DZIP1L: variants seen among roughly 807,000 people sequenced by gnomAD.
DZIP1L encodes the protein cilium assembly protein DZIP1L.
A neutral mutation model predicts 88.7 loss-of-function variants in DZIP1L; 90 were observed. That is an observed-to-expected ratio of 1.02 (90% CI 0.86 to 1.21). The LOEUF (loss-of-function observed/expected upper bound fraction) is 1.21. Among genes scored for constraint, DZIP1L ranks in the 50% most tolerant of loss-of-function variants. DZIP1L has a pLI of 0.00. For missense variants in DZIP1L, 932 were observed against 955.8 expected (o/e 0.98, Z 0.33); for synonymous variants, 363 against 372.1 (o/e 0.98, Z 0.28).
rs1168251458 is a variant in DZIP1L at position 138,103,662 on chromosome 3, G to A, written c.310C>T (p.Leu104=). 3 of 1,609,322 alleles carry A rather than the reference G, an allele frequency of 1.9e-6. No individual in the cohort carries two copies. Among genetic ancestry groups the A allele is most frequent in the Non-Finnish European group, 2.5e-6 (3 of 1,179,606 alleles). Residue 104 remains leucine, a synonymous_variant, in exon 2 of 16, where the codon CTG becomes TTG. Coordinates refer to ENST00000327532, the MANE Select transcript of DZIP1L (RefSeq NM_173543.3). ...IEYLLHCQDC[L]SASVAQLEAR... Reference sequence around the variant, plus strand: ...TCCAGCTGGGCAACACTGGCACTCAGGCAATCCTGGCAGTGCAGCAGGTAC... The same window carrying A: ...TCCAGCTGGGCAACACTGGCACTCAAGCAATCCTGGCAGTGCAGCAGGTAC...
chr3:138,110,204 GA>G (rs1559868261), intron 1 of DZIP1L, among the ~76,000 whole-genome samples: 1 of 152,056 alleles, frequency 6.6e-6, no homozygotes, highest in Non-Finnish European at 1.5e-5. Context: ...CACAAGGACA[GA>G]AAATCAAACA....
chr3:138,066,521 C>T (rs923645347), intron 14 of DZIP1L, among the ~76,000 whole-genome samples: 1 of 152,130 alleles, frequency 6.6e-6, no homozygotes, highest in African/African-American at 2.4e-5. Flanking sequence ...GCCATGACAT[C>T]GTTCTGTGGT....
rs1435587319 is a variant in DZIP1L, at chr3:138,078,735, C to T, written c.1289-1103G>A. Among the ~76,000 whole-genome samples the T allele has an allele frequency of 2.0e-5, 3 of 152,154 alleles. No homozygotes were observed. The East Asian group carries it at 5.8e-4, about 29-fold the overall frequency. On this transcript the variant is annotated intron_variant, in intron 10 of 15. Coordinates refer to ENST00000327532, the MANE Select transcript of DZIP1L (RefSeq NM_173543.3). ...TACCACCCATTCACCTCTGACCCTG[C>T]GTGATTCTGCTCAATAAAGTTTACA...
At chr3:138,072,993 C>A (rs1035164654) in intron 11 of DZIP1L, among the ~76,000 whole-genome samples, 5 of 152,154 alleles carry the variant, frequency 3.3e-5, no homozygotes, top group African/African-American at 9.7e-5. Flanking sequence ...ACACCCTCAT[C>A]CCCAACAGTA....
At chr3:138,076,834 A>G (rs1335035094) in intron 11 of DZIP1L, among the ~76,000 whole-genome samples, 1 of 152,136 alleles carries the variant, frequency 6.6e-6, no homozygotes, top group African/African-American at 2.4e-5. Context: ...GTGTGCACCA[A>G]AATCTCAGAA....
intron 2 of DZIP1L, among the ~76,000 whole-genome samples, chr3:138,100,200 C>T (rs912901565): frequency 5.9e-5 from 9 of 152,196 alleles, no homozygotes; most frequent in African/African-American, 4.8e-5. Context: ...GACTACTAAG[C>T]AATGGCCAAT....
intron 7 of DZIP1L, among the ~76,000 whole-genome samples, chr3:138,086,276 A>G (rs1943933209): frequency 1.3e-5 from 2 of 152,166 alleles, no homozygotes; most frequent in South Asian, 4.1e-4. Context: ...TTAAAAAAAA[A>G]AAAAAGAAAA....
chr3:138,072,189 G>T (rs1327940609), intron 11 of DZIP1L, among the ~76,000 whole-genome samples: 1 of 152,166 alleles, frequency 6.6e-6, no homozygotes, highest in East Asian at 1.9e-4. Context: ...GCTCATTTTT[G>T]TACTCCCAAT....
chr3:138,069,490 C>T (rs995531769), intron 12 of DZIP1L, among the ~76,000 whole-genome samples: 1 of 152,120 alleles, frequency 6.6e-6, no homozygotes, highest in African/African-American at 2.4e-5. Flanking sequence ...CTATGCACTG[C>T]TCTCAGTGAA....
chr3:138,077,522 G>A lies in DZIP1L; in HGVS notation c.1399C>T (p.Leu467Phe), dbSNP rs1559832694. ...PILEDTLEEK[L>F]ESMGIRKDAK... ...ACCTTCCTTATCCCCATGCTTTCGA[G>A]CTTCTCTTCCAGGGTGTCCTCCAGG... The change falls in exon 11 of 16, where the codon CTC becomes TTC. Residue 467 changes from leucine (L) to phenylalanine (F), a missense_variant. Physicochemically the swap from Leu to Phe is conservative, Grantham distance 22. Transcript: ENST00000327532. The A allele has an allele frequency of 6.2e-7, 1 of 1,614,198 alleles. No homozygotes were observed. Among genetic ancestry groups the A allele is most frequent in the Non-Finnish European group, 8.5e-7 (1 of 1,180,040 alleles).
At chr3:138,075,923 C>T (rs111286102) in intron 11 of DZIP1L, among the ~76,000 whole-genome samples, 1,923 of 152,186 alleles carry the variant, frequency 0.013, 38 homozygotes, top group African/African-American at 0.044. Flanking sequence ...CGCACCACTG[C>T]ACTCCAGCAT....
At chr3:138,080,744 GA>G in intron 9 of DZIP1L, 124 bp from the exon 10 acceptor site, 1 of 893,952 alleles carries the variant, frequency 1.1e-6, no homozygotes, top group Non-Finnish European at 1.7e-6. Context: ...AGTGCATCTT[GA>G]CTGGAGAGAG....
At position 138,104,051 on chromosome 3, in the gene DZIP1L, G is replaced by C. The variant is rs975494509; in HGVS notation, c.-80C>G. 6.6e-7 allele frequency: 1 copy of C among 1,520,532 alleles called. No homozygotes were observed. The highest frequency in any genetic ancestry group is 1.4e-5 in the African/African-American group (1 of 72,052). 94.2% of individuals were successfully genotyped at this position (1,520,532 alleles called of 1,614,324 possible). A position where few individuals can be genotyped will look rare whatever the true frequency, so the allele number is the denominator to read the frequency against. On this transcript the variant is annotated splice_region_variant and 5_prime_UTR_variant, in exon 2 of 16. Coordinates refer to ENST00000327532, the MANE Select transcript of DZIP1L (RefSeq NM_173543.3). ...CAGTAGGCCAAGGAGCTGAGAGAAG[G>C]CCTGGAAAATAAGAAGAGAGTCCAA...
intron 13 of DZIP1L, 34 bp from the exon 14 acceptor site, chr3:138,067,734 T>G (rs773868194): frequency 3.9e-5 from 59 of 1,518,428 alleles, no homozygotes; most frequent in Non-Finnish European, 4.7e-5. Context: ...GAGGGATGCA[T>G]GGGCCAGAAA....
intron 2 of DZIP1L, among the ~76,000 whole-genome samples, chr3:138,099,921 C>A (rs1454584964): frequency 6.6e-6 from 1 of 152,166 alleles, no homozygotes; most frequent in Non-Finnish European, 1.5e-5. Flanking sequence ...TCCTTTATTG[C>A]AACACTAAAC....
In DZIP1L at chr3:138,094,925, C is replaced by T; in HGVS notation, c.645G>A (p.Lys215=). ...VEEVLEELRA[K]LKWTQGELEA... is the part of the protein sequence containing the mutation. ...CCAGCTCCCCTTGGGTCCACTTTAG[C>T]TTGGCCCGTAGCTCTTCTAACACCT... The change falls in exon 4 of 16, where the codon AAG becomes AAA. Residue 215 remains lysine, a synonymous_variant. Coordinates refer to ENST00000327532, the MANE Select transcript of DZIP1L (RefSeq NM_173543.3). The T allele has an allele frequency of 6.2e-7, 1 of 1,614,262 alleles. No homozygotes were observed. Among genetic ancestry groups the T allele is most frequent in the Non-Finnish European group, 8.5e-7 (1 of 1,180,052 alleles).
chr3:138,073,305 A>G (rs1228616286), intron 11 of DZIP1L, among the ~76,000 whole-genome samples: 1 of 152,226 alleles, frequency 6.6e-6, no homozygotes, highest in Non-Finnish European at 1.5e-5. Context: ...AGGACCCTCA[A>G]GAGTCCACTT....
At chr3:138,111,033 G>C (rs949212863) in intron 1 of DZIP1L, among the ~76,000 whole-genome samples, 10 of 152,100 alleles carry the variant, frequency 6.6e-5, no homozygotes, top group Middle Eastern at 3.2e-3. Flanking sequence ...ACCAAGGAAG[G>C]GCCCATACCA....
intron 14 of DZIP1L, among the ~76,000 whole-genome samples, chr3:138,065,790 T>G (rs1324695585): frequency 6.6e-6 from 1 of 152,218 alleles, no homozygotes; most frequent in Non-Finnish European, 1.5e-5. Context: ...AATTCCATAT[T>G]CTTTAACACA....
Sources: gnomAD v4.1 joint callset for allele counts (sites outside exome capture counted in the v4.1 genomes callset) on GRCh38, gnomAD v4.1.1 for gene constraint, MANE v1.5 for transcripts, NCBI Gene and HGNC (gene_info 2026-07-23, HGNC 2026-07-21) for gene names.